HS2ST1: variants seen among roughly 807,000 people sequenced by gnomAD.
The protein encoded by HS2ST1 is heparan sulfate 2-O-sulfotransferase 1.
HS2ST1 carries 18 observed loss-of-function variants against 42.9 expected under a neutral mutation model. The observed-to-expected ratio is 0.42, with a 90% CI of 0.29 to 0.62. HS2ST1 has a LOEUF of 0.62. Ranked by LOEUF, HS2ST1 falls within the 20% of genes least tolerant of loss-of-function variation. HS2ST1 has a pLI of 0.21. For missense variants in HS2ST1, 334 were observed against 433.8 expected, an observed-to-expected ratio of 0.77 and a Z score of 2.04; for synonymous variants, 146 against 152.9, an observed-to-expected ratio of 0.95 and a Z score of 0.33.
rs1652393061 is a variant in HS2ST1 at position 87,108,724 on chromosome 1, G to T, written c.*4028G>T. 1 of 152,098 alleles carries T rather than the reference G, an allele frequency of 6.6e-6. No homozygotes were observed. Among genetic ancestry groups the T allele is most frequent in the African/African-American group, 2.4e-5 (1 of 41,422 alleles). 9.4% of individuals were successfully genotyped at this position (152,098 alleles called of 1,614,324 possible). A position where few individuals can be genotyped will look rare whatever the true frequency, so the allele number is the denominator to read the frequency against. On this transcript the variant is annotated 3_prime_UTR_variant, in exon 7 of 7. Coordinates refer to ENST00000370550, the MANE Select transcript of HS2ST1 (RefSeq NM_012262.4). ...GCCTTTGCAGTACTATTTATAAAAT[G>T]GACCCTGATGGTGATGAACTCTTTA...
At chr1:87,055,455 T>G (rs553741448) in intron 1 of HS2ST1, among the ~76,000 whole-genome samples, 1 of 152,332 alleles carries the variant, frequency 6.6e-6, no homozygotes, top group South Asian at 2.1e-4. Flanking sequence ...TCTTCCTTAC[T>G]GCAGTTGCTT....
intron 1 of HS2ST1, among the ~76,000 whole-genome samples, chr1:87,018,003 G>A (rs188156166): frequency 6.6e-6 from 1 of 152,110 alleles, no homozygotes; most frequent in Non-Finnish European, 1.5e-5. Context: ...TCTCATCCTT[G>A]ACTCATTGGC....
intron 1 of HS2ST1, among the ~76,000 whole-genome samples, chr1:87,015,534 C>T (rs957274529): frequency 6.0e-5 from 9 of 151,024 alleles, no homozygotes; most frequent in African/African-American, 2.2e-4. Flanking sequence ...TTAGTGGAGA[C>T]AGGGTTTCAC....
intron 1 of HS2ST1, among the ~76,000 whole-genome samples, chr1:86,925,245 A>G (rs1339876473): frequency 3.9e-5 from 6 of 152,138 alleles, no homozygotes; most frequent in East Asian, 3.8e-4. Context: ...TCATATCACT[A>G]TCAGCAATTC....
At chr1:87,021,733 C>T (rs1408006101) in intron 1 of HS2ST1, among the ~76,000 whole-genome samples, 1 of 152,158 alleles carries the variant, frequency 6.6e-6, no homozygotes, top group Non-Finnish European at 1.5e-5. Flanking sequence ...ATAGTCTGGT[C>T]TCAAACTCCT....
chr1:86,972,039 G>T (rs768053544), intron 1 of HS2ST1, among the ~76,000 whole-genome samples: 2 of 152,118 alleles, frequency 1.3e-5, no homozygotes, highest in African/African-American at 2.4e-5. Context: ...GTAAAAGTTG[G>T]CATGATTTAA....
intron 1 of HS2ST1, among the ~76,000 whole-genome samples, chr1:87,014,292 C>T (rs1331569603): frequency 6.6e-6 from 1 of 152,196 alleles, no homozygotes; most frequent in Non-Finnish European, 1.5e-5. Flanking sequence ...TGAAGCAAGA[C>T]ATGTATTACT....
chr1:87,045,119 G>C (rs1055476925), intron 1 of HS2ST1: 1 of 889,564 alleles, frequency 1.1e-6, no homozygotes, highest in Admixed American at 1.8e-5. Flanking sequence ...GAGCTGTGGA[G>C]GTGGAAGGCT....
intron 1 of HS2ST1, among the ~76,000 whole-genome samples, chr1:86,961,177 A>G (rs548874171): frequency 2.6e-5 from 4 of 152,098 alleles, no homozygotes; most frequent in African/African-American, 7.2e-5. Flanking sequence ...TTGAGGTTAC[A>G]GTGAGCTATG....
At position 87,072,926 on chromosome 1, in the gene HS2ST1, C is replaced by G. The variant is rs1651453169; in HGVS notation, c.125-8C>G. ...AAAAACTTAGTTCGTATCTGTTTTTCTTTCCAGAAAGGGCTATTGCAAGAC... is the reference window on the plus strand; with the variant it reads ...AAAAACTTAGTTCGTATCTGTTTTTGTTTCCAGAAAGGGCTATTGCAAGAC... On this transcript the variant is annotated splice_polypyrimidine_tract_variant and splice_region_variant and intron_variant, in intron 1 of 6. Coordinates refer to ENST00000370550, the MANE Select transcript of HS2ST1 (RefSeq NM_012262.4). 1 of 1,605,410 alleles carries G rather than the reference C, an allele frequency of 6.2e-7. No homozygotes were observed. The highest frequency in any genetic ancestry group is 8.5e-7 in the Non-Finnish European group (1 of 1,172,462).
intron 2 of HS2ST1, among the ~76,000 whole-genome samples, chr1:87,083,565 CAT>C (rs1651742367): frequency 1.3e-5 from 2 of 151,968 alleles, no homozygotes; most frequent in Admixed American, 1.3e-4. Context: ...TATAATTTTT[CAT>C]ATTAATTTTT....
chr1:86,969,955 G>A (rs988417938), intron 1 of HS2ST1, among the ~76,000 whole-genome samples: 1 of 151,840 alleles, frequency 6.6e-6, no homozygotes, highest in African/African-American at 2.4e-5. Context: ...GAGAAACCTC[G>A]TCTCTACTAA....
chr1:87,090,582 C>T (rs1382577057), intron 3 of HS2ST1, among the ~76,000 whole-genome samples: 1 of 151,998 alleles, frequency 6.6e-6, no homozygotes, highest in Non-Finnish European at 1.5e-5. Flanking sequence ...AGAGAGGTCA[C>T]AAGATTTTGT....
intron 1 of HS2ST1, among the ~76,000 whole-genome samples, chr1:86,962,565 A>C (rs1450177558): frequency 6.6e-6 from 1 of 152,206 alleles, no homozygotes; most frequent in Non-Finnish European, 1.5e-5. Flanking sequence ...AAATTGAGAT[A>C]ATGCAGATAA....
At chr1:87,011,379 A>G (rs1462254709) in intron 1 of HS2ST1, among the ~76,000 whole-genome samples, 1 of 151,994 alleles carries the variant, frequency 6.6e-6, no homozygotes, top group African/African-American at 2.4e-5. Context: ...AACAGCTGGG[A>G]CCACAGGTGC....
At chr1:87,052,488 GAATT>G (rs1332852773) in intron 1 of HS2ST1, among the ~76,000 whole-genome samples, 2 of 152,186 alleles carry the variant, frequency 1.3e-5, no homozygotes, top group Non-Finnish European at 2.9e-5. Flanking sequence ...CCATGATTCA[GAATT>G]AATTAATGTT....
chr1:87,021,209 C>T (rs943248804), intron 1 of HS2ST1, among the ~76,000 whole-genome samples: 1 of 152,044 alleles, frequency 6.6e-6, no homozygotes. Flanking sequence ...TCCCAGAATA[C>T]ATGTTGACTC....
In HS2ST1 at chr1:86,951,554, CAA is replaced by C. The variant is rs771953218; in HGVS notation, c.124+36395_124+36396del. 5.3e-5 allele frequency among the ~76,000 whole-genome samples: 8 copies of C among 152,208 alleles called. No individual in the cohort carries two copies. The South Asian group carries it at 1.2e-3, about 24-fold the overall frequency. Reference sequence around the variant, plus strand: ...ACTTTATTGCTAAAAAAAATGCTAACAATCATCTGAGTCTTTAGTGAGTTATA... The same window carrying C: ...ACTTTATTGCTAAAAAAAATGCTAACTCATCTGAGTCTTTAGTGAGTTATA... On this transcript the variant is annotated intron_variant, in intron 1 of 6. Transcript: ENST00000370550.
At position 87,104,632 on chromosome 1, in the gene HS2ST1, A is replaced by T. The variant is rs761423535; in HGVS notation, c.1007A>T (p.Asp336Val). 71 of 1,613,644 alleles carry T rather than the reference A, an allele frequency of 4.4e-5. No homozygotes were observed. The highest frequency in any genetic ancestry group is 1.2e-5 in the Non-Finnish European group (14 of 1,179,690). ...FIRAHAVREK[D>V]GDLYILAQNF... ...AGAGCCCATGCCGTTCGAGAAAAAGATGGAGACCTCTACATCCTCGCACAA... is the reference window on the plus strand; with the variant it reads ...AGAGCCCATGCCGTTCGAGAAAAAGTTGGAGACCTCTACATCCTCGCACAA... Residue 336 changes from aspartate (D) to valine (V), a missense_variant, in exon 7 of 7, where the codon GAT (aspartate) becomes GTT (valine). Asp to Val is a radical substitution (Grantham distance 152, BLOSUM62 -3). Coordinates refer to ENST00000370550, the MANE Select transcript of HS2ST1 (RefSeq NM_012262.4).
Sources: gnomAD v4.1 joint callset for allele counts (sites outside exome capture counted in the v4.1 genomes callset) on GRCh38, gnomAD v4.1.1 for gene constraint, MANE v1.5 for transcripts, NCBI Gene and HGNC (gene_info 2026-07-23, HGNC 2026-07-21) for gene names.